GNG7: variants seen among roughly 807,000 people sequenced by gnomAD.
The protein encoded by GNG7 is G protein subunit gamma 7, also known as guanine nucleotide-binding protein G(I)/G(S)/G(O) subunit gamma-7.
A neutral mutation model predicts 4.0 loss-of-function variants in GNG7; 1 was observed. That is an observed-to-expected ratio of 0.25 (90% CI 0.09 to 1.18). GNG7 has a LOEUF of 1.18. Ranked by LOEUF, GNG7 falls within the 50% of genes most tolerant of loss-of-function variation. GNG7 has a pLI of 0.50. For missense variants in GNG7, 86 were observed against 91.9 expected (o/e 0.94, Z 0.26); for synonymous variants, 34 against 36.9 (o/e 0.92, Z 0.29).
intron 1 of GNG7, among the ~76,000 whole-genome samples, chr19:2,701,581 T>G (rs952734247): frequency 1.5e-5 from 2 of 136,020 alleles, no homozygotes; most frequent in Non-Finnish European, 3.1e-5. Flanking sequence ...CCCTAACCCC[T>G]GGGCCGTCAA....
rs545764505 is a variant in GNG7 at position 2,536,179 on chromosome 19, AGGCCGAGGTGGGC to A, written c.-37-15467_-37-15455del. Reference sequence around the variant, plus strand: ...CCACCCGTAATCCCAGCACTTTGGGAGGCCGAGGTGGGCGGATCACGAGGTCAGGAGTTTGAGA... The same window carrying A: ...CCACCCGTAATCCCAGCACTTTGGGAGGATCACGAGGTCAGGAGTTTGAGA... On this transcript the variant is annotated intron_variant, in intron 3 of 4. Transcript: ENST00000382159. 8.5e-4 allele frequency among the ~76,000 whole-genome samples: 130 copies of A among 152,220 alleles called. 1 individual carries two copies. Among genetic ancestry groups the A allele is most frequent in the Middle Eastern group, 3.4e-3 (1 of 294 alleles).
At chr19:2,537,089 G>A (rs1164189691) in intron 3 of GNG7, among the ~76,000 whole-genome samples, 1 of 151,670 alleles carries the variant, frequency 6.6e-6, no homozygotes, top group African/African-American at 2.4e-5. Flanking sequence ...TGGGACTACA[G>A]GTGCCCGCCA....
In GNG7 at chr19:2,618,151, A is replaced by T. The variant is rs930801816; in HGVS notation, c.-78+28073T>A. The stretch of plus-strand genomic sequence containing the variant: ...CCAGCACCTAGGCTGTCCCTGGCAC[A>T]CAGTGAGTGTCGGGTCAATATTTGC... On this transcript the variant is annotated intron_variant, in intron 2 of 4. Transcript: ENST00000382159. This position sits in a 1 kb window ranked among gnomAD's most constrained non-coding sequence, Gnocchi z 5.1. Among the ~76,000 whole-genome samples the T allele has an allele frequency of 2.0e-5, 3 of 152,170 alleles. No homozygotes were observed. The highest frequency in any genetic ancestry group is 2.0e-4 in the Admixed American group (3 of 15,270).
intron 1 of GNG7, among the ~76,000 whole-genome samples, chr19:2,685,026 AC>A (rs1344954726): frequency 6.6e-6 from 1 of 152,196 alleles, no homozygotes; most frequent in Non-Finnish European, 1.5e-5. Flanking sequence ...CAGGAGGCTG[AC>A]GCAGGAGAAT....
chr19:2,516,178 T>C (rs929215247), intron 4 of GNG7, among the ~76,000 whole-genome samples: 2 of 151,792 alleles, frequency 1.3e-5, no homozygotes, highest in East Asian at 1.9e-4. Context: ...GATTACACCA[T>C]TGCACTCCAG....
At chr19:2,537,238 C>T (rs755765703) in intron 3 of GNG7, among the ~76,000 whole-genome samples, 36 of 151,902 alleles carry the variant, frequency 2.4e-4, no homozygotes, top group African/African-American at 3.6e-4. Context: ...CATGAGCCAC[C>T]GCGCCCGGCC....
intron 1 of GNG7, among the ~76,000 whole-genome samples, chr19:2,694,326 T>C (rs1004465674): frequency 6.6e-6 from 1 of 152,018 alleles, no homozygotes; most frequent in African/African-American, 2.4e-5. Flanking sequence ...TGTTCTACCA[T>C]AGCCTGGTAT....
chr19:2,532,522 C>G (rs1056645514), intron 3 of GNG7, among the ~76,000 whole-genome samples: 4 of 151,972 alleles, frequency 2.6e-5, no homozygotes, highest in African/African-American at 9.7e-5. Flanking sequence ...ATTGGAACAC[C>G]AGAAGGAGGA....
chr19:2,537,103 C>T (rs767356087), intron 3 of GNG7, among the ~76,000 whole-genome samples: 3 of 149,410 alleles, frequency 2.0e-5, no homozygotes, highest in Non-Finnish European at 3.0e-5. Flanking sequence ...CCCGCCACCG[C>T]GCCCGGCTAA....
intron 1 of GNG7, among the ~76,000 whole-genome samples, chr19:2,684,561 A>G (rs1472720701): frequency 6.6e-6 from 1 of 152,288 alleles, no homozygotes; most frequent in African/African-American, 2.4e-5. Flanking sequence ...ACAGCAGGCA[A>G]TCCTGACACA....
chr19:2,564,056 C>T (rs961590775), intron 2 of GNG7, among the ~76,000 whole-genome samples: 50 of 152,174 alleles, frequency 3.3e-4, no homozygotes, highest in African/African-American at 1.1e-3. Context: ...TGTGTAAGGG[C>T]AGGCTCCTAA....
chr19:2,688,533 C>G (rs79309113), intron 1 of GNG7, among the ~76,000 whole-genome samples: 1 of 152,074 alleles, frequency 6.6e-6, no homozygotes. Context: ...GGTCTGATCA[C>G]GAGAGAAATA....
chr19:2,553,929 A>G (rs1297371960), intron 3 of GNG7, among the ~76,000 whole-genome samples: 1 of 146,326 alleles, frequency 6.8e-6, no homozygotes. Flanking sequence ...CATGTAATAT[A>G]TTGTATGTAA....
At chr19:2,695,005 C>T (rs776962530) in intron 1 of GNG7, among the ~76,000 whole-genome samples, 3 of 152,016 alleles carry the variant, frequency 2.0e-5, no homozygotes, top group Non-Finnish European at 2.9e-5. Context: ...GGGACCTCCA[C>T]GTTTACAAAA....
intron 4 of GNG7, 143 bp from the exon 5 acceptor site, chr19:2,515,290 C>T (rs573248318): frequency 5.5e-5 from 50 of 907,910 alleles, no homozygotes; most frequent in African/African-American, 4.0e-4. Context: ...CAGTGCGGCC[C>T]GTCCACACGC....
intron 3 of GNG7, among the ~76,000 whole-genome samples, chr19:2,553,636 GTAATATGTTATATTA>G (rs1979424096): frequency 1.2e-5 from 1 of 84,522 alleles, no homozygotes; most frequent in Non-Finnish European, 2.7e-5. Context: ...CACGTTACAT[GTAATATGTTATATTA>G]CATACATGCA....
chr19:2,553,667 T>C (rs983358748), intron 3 of GNG7, among the ~76,000 whole-genome samples: 1 of 145,586 alleles, frequency 6.9e-6, no homozygotes, highest in Non-Finnish European at 1.5e-5. Flanking sequence ...ATGCACACGT[T>C]ACATGTAATA....
Position 2,524,619 on chromosome 19 carries a change from C to T in GNG7, c.-37-3894G>A, listed in dbSNP as rs369842164. ...GCATCCTTGCATGTGTGTACATGTGCATGTGTCTATATGAGTGCATGTACA... is the reference window on the plus strand; with the variant it reads ...GCATCCTTGCATGTGTGTACATGTGTATGTGTCTATATGAGTGCATGTACA... On this transcript the variant is annotated intron_variant, in intron 3 of 4. Coordinates refer to ENST00000382159, the MANE Select transcript of GNG7 (RefSeq NM_052847.3). Among the ~76,000 whole-genome samples the T allele has an allele frequency of 1.7e-3, 260 of 152,316 alleles. 1 individual carries two copies. Among genetic ancestry groups the T allele is most frequent in the African/African-American group, 6.0e-3 (251 of 41,574 alleles).
intron 3 of GNG7, among the ~76,000 whole-genome samples, chr19:2,529,815 T>C (rs1978527139): frequency 6.6e-6 from 1 of 152,148 alleles, no homozygotes. Flanking sequence ...TGACACCTGC[T>C]CCTGAAGAGG....
Sources: gnomAD v4.1 joint callset for allele counts (sites outside exome capture counted in the v4.1 genomes callset) on GRCh38, gnomAD v4.1.1 for gene constraint, Gnocchi (gnomAD v3.1) non-coding constraint, MANE v1.5 for transcripts, NCBI Gene and HGNC (gene_info 2026-07-23, HGNC 2026-07-21) for gene names.